Variants in RARB observed in about 807,000 individuals in gnomAD.
The protein encoded by RARB is HBV-activated protein.
RARB carries 17 observed loss-of-function variants against 51.9 expected under a neutral mutation model. The observed-to-expected ratio is 0.33, with a 90% CI of 0.22 to 0.49. The LOEUF is 0.49. Among genes scored for constraint, RARB ranks in the 20% least tolerant of loss-of-function variants. The pLI is 0.99. For synonymous variants in RARB, 215 were observed against 195.4 expected (o/e 1.10, Z -0.84); for missense variants, 369 against 550.8 (o/e 0.67, Z 3.30).
At chr3:25,027,586 G>A (rs1032652549) in intron 2 of RARB, among the ~76,000 whole-genome samples, 1 of 149,344 alleles carries the variant, frequency 6.7e-6, no homozygotes, top group Non-Finnish European at 1.5e-5. Flanking sequence ...ACATATGACA[G>A]TCACTGCAGA....
chr3:25,168,951 T>A (rs1412350087), intron 4 of RARB, among the ~76,000 whole-genome samples: 1 of 152,078 alleles, frequency 6.6e-6, no homozygotes, highest in Non-Finnish European at 1.5e-5. Flanking sequence ...GTACAAGAAA[T>A]GGAAGAATTT....
At chr3:25,510,163 G>A (rs1255031558) in intron 3 of RARB, among the ~76,000 whole-genome samples, 1 of 152,204 alleles carries the variant, frequency 6.6e-6, no homozygotes, top group Admixed American at 6.5e-5. Flanking sequence ...GAGAGGGTAA[G>A]AGACCTGCCT....
At chr3:24,933,262 A>G (rs139999549) in intron 2 of RARB, among the ~76,000 whole-genome samples, 3,018 of 151,740 alleles carry the variant, frequency 0.02, 59 homozygotes, top group Middle Eastern at 0.066. Flanking sequence ...AGGAAAAACC[A>G]TAACTATATT....
At chr3:25,072,895 A>C (rs1395039595) in intron 3 of RARB, among the ~76,000 whole-genome samples, 2 of 151,880 alleles carry the variant, frequency 1.3e-5, no homozygotes, top group African/African-American at 4.8e-5. Context: ...TTTTTTTAGT[A>C]GAGACGAGGT....
chr3:25,455,872 GAAAT>G (rs899116380), intron 1 of RARB, among the ~76,000 whole-genome samples: 2 of 152,228 alleles, frequency 1.3e-5, no homozygotes, highest in Admixed American at 6.5e-5. Flanking sequence ...AGTAGGCAAG[GAAAT>G]AAATAAAAGC....
At chr3:25,111,883 AT>A in intron 3 of RARB, among the ~76,000 whole-genome samples, 1 of 152,100 alleles carries the variant, frequency 6.6e-6, no homozygotes, top group East Asian at 1.9e-4. Context: ...ACTCCAACAA[AT>A]TTTATATTCA....
intron 2 of RARB, among the ~76,000 whole-genome samples, chr3:24,932,321 C>G (rs1575078119): frequency 6.6e-6 from 1 of 152,034 alleles, no homozygotes; most frequent in Non-Finnish European, 1.5e-5. Context: ...CTCCCCAGCA[C>G]CAGAATGGGG....
At chr3:25,089,864 G>T (rs891437292) in intron 3 of RARB, among the ~76,000 whole-genome samples, 2 of 152,068 alleles carry the variant, frequency 1.3e-5, no homozygotes. Flanking sequence ...TGAATCCTTT[G>T]AAATTAAGAG....
intron 3 of RARB, among the ~76,000 whole-genome samples, chr3:25,528,093 A>G (rs1045683723): frequency 3.9e-5 from 6 of 152,208 alleles, no homozygotes; most frequent in Non-Finnish European, 8.8e-5. Context: ...CACCAGGAGA[A>G]AAGAAAGTAA....
At chr3:24,987,096 G>T (rs1402121198) in intron 2 of RARB, among the ~76,000 whole-genome samples, 1 of 152,104 alleles carries the variant, frequency 6.6e-6, no homozygotes, top group Non-Finnish European at 1.5e-5. Flanking sequence ...ACTCTTCTTA[G>T]CTTTCAGGAA....
chr3:25,154,010 A>G (rs1265016173), intron 4 of RARB, among the ~76,000 whole-genome samples: 1 of 152,216 alleles, frequency 6.6e-6, no homozygotes, highest in Non-Finnish European at 1.5e-5. Flanking sequence ...ACACTACATT[A>G]AAGCATTTTG....
chr3:24,880,740 A>G (rs1457869696), intron 2 of RARB, among the ~76,000 whole-genome samples: 1 of 152,234 alleles, frequency 6.6e-6, no homozygotes, highest in Non-Finnish European at 1.5e-5. Flanking sequence ...AGGGTGTTCC[A>G]TCATACCAGA....
At chr3:24,971,769 A>G (rs1164926533) in intron 2 of RARB, among the ~76,000 whole-genome samples, 2 of 152,012 alleles carry the variant, frequency 1.3e-5, no homozygotes, top group Non-Finnish European at 2.9e-5. Context: ...TATTTGGTGT[A>G]TAAAATACAA....
At chr3:25,419,536 G>C (rs1369099554) in intron 5 of RARB, among the ~76,000 whole-genome samples, 2 of 151,792 alleles carry the variant, frequency 1.3e-5, no homozygotes, top group African/African-American at 4.9e-5. Context: ...GTTCTCTAAA[G>C]GTTCTCTGGT....
chr3:24,968,626 T>C (rs1326765125), intron 2 of RARB, among the ~76,000 whole-genome samples: 2 of 152,094 alleles, frequency 1.3e-5, no homozygotes, highest in Non-Finnish European at 2.9e-5. Flanking sequence ...GTGGCTATGG[T>C]ATTATGGGTA....
chr3:25,489,406 T>G (rs1484143363), intron 2 of RARB, among the ~76,000 whole-genome samples: 2 of 152,268 alleles, frequency 1.3e-5, no homozygotes, highest in Non-Finnish European at 2.9e-5. Context: ...CTTCCTTTCC[T>G]TGCATATAAA....
chr3:25,161,964 A>G (rs1700480245), intron 4 of RARB, among the ~76,000 whole-genome samples: 2 of 152,170 alleles, frequency 1.3e-5, no homozygotes, highest in Admixed American at 1.3e-4. Flanking sequence ...ACAGAGACCA[A>G]GACAGACAGA....
At chr3:25,165,972 A>T (rs1210103181) in intron 4 of RARB, among the ~76,000 whole-genome samples, 5 of 152,004 alleles carry the variant, frequency 3.3e-5, no homozygotes, top group Non-Finnish European at 5.9e-5. Flanking sequence ...AAATACAGGG[A>T]CATTCTTTCT....
intron 5 of RARB, among the ~76,000 whole-genome samples, chr3:25,301,737 G>C (rs1704043459): frequency 6.6e-6 from 1 of 152,162 alleles, no homozygotes; most frequent in Non-Finnish European, 1.5e-5. Flanking sequence ...TAACATCTGA[G>C]GCTCTTGCGG....
Sources: allele counts gnomAD v4.1 joint callset (sites outside exome capture counted in the v4.1 genomes callset), GRCh38; gene constraint gnomAD v4.1.1; transcripts MANE v1.5; gene names NCBI Gene and HGNC (gene_info 2026-07-23, HGNC 2026-07-21).